Variants in TENM4 observed in about 807,000 individuals in gnomAD.
TENM4 encodes teneurin transmembrane protein 4.
Under a neutral mutation model 243.3 loss-of-function variants are expected in TENM4, and 82 were observed. That is an observed-to-expected ratio of 0.34 (90% CI 0.28 to 0.40). TENM4 has a LOEUF of 0.40. Among genes scored for constraint, TENM4 ranks in the 10% least tolerant of loss-of-function variants. TENM4 has a pLI of 1.00. For missense variants in TENM4, 3,138 were observed against 3,673.3 expected (o/e 0.85, Z 3.77); for synonymous variants, 1,412 against 1,456.3 (o/e 0.97, Z 0.69).
chr11:79,401,680 C>A (rs191017112), intron 1 of TENM4, among the ~76,000 whole-genome samples: 9 of 152,298 alleles, frequency 5.9e-5, no homozygotes, highest in Non-Finnish European at 1.3e-4. Flanking sequence ...TTGATAGGCT[C>A]CCCAGTTTAC....
At chr11:79,158,703 T>A (rs1251036916) in intron 3 of TENM4, among the ~76,000 whole-genome samples, 1 of 152,234 alleles carries the variant, frequency 6.6e-6, no homozygotes, top group East Asian at 1.9e-4. Context: ...ATGTGATATA[T>A]GCATGATATT....
At position 78,702,166 on chromosome 11, in the gene TENM4, T is replaced by C. The variant is rs370081442; in HGVS notation, c.4447A>G (p.Ile1483Val). 4.7e-5 allele frequency: 76 copies of C among 1,613,870 alleles called. No homozygotes were observed. The highest frequency in any genetic ancestry group is 6.4e-5 in the Non-Finnish European group (76 of 1,179,906). The change falls in exon 28 of 34, where the codon ATT becomes GTT. Residue 1483 changes from isoleucine to valine, a missense_variant. Transcript: ENST00000278550. ...ATCTTTTTCTCATCAGTCTCAGCAA[T>C]ATACAGGACCCCATTGTGTGAAACA... is the stretch of plus-strand genomic sequence containing the variant. Reference protein sequence around the residue: ...LAVSHNGVLYIAETDEKKINR... With the variant: ...LAVSHNGVLYVAETDEKKINR...
chr11:79,097,635 G>A (rs900896601), intron 4 of TENM4: 5 of 152,030 alleles, frequency 3.3e-5, no homozygotes, highest in Non-Finnish European at 7.4e-5. Flanking sequence ...CCAAAAATAA[G>A]TAGAAAAAGT....
chr11:78,920,462 C>T (rs1444567932), intron 6 of TENM4, among the ~76,000 whole-genome samples: 1 of 152,186 alleles, frequency 6.6e-6, no homozygotes, highest in Non-Finnish European at 1.5e-5. Context: ...AGCAGCTGCA[C>T]CGCTGAGCCC....
In TENM4 at chr11:79,403,367, G is replaced by A. The variant is rs1483007142; in HGVS notation, c.-321+37142C>T. ...ATACAGCACTTTACATTTTACAAAT[G>A]CTTTCAGGTACATTTTTATCTCACT... On this transcript the variant is annotated intron_variant, in intron 1 of 33. Transcript: ENST00000278550. Among the ~76,000 whole-genome samples the A allele has an allele frequency of 6.6e-5, 10 of 152,222 alleles. No individual in the cohort carries two copies. In the South Asian group the frequency reaches 2.1e-3, roughly 32 times the overall value.
intron 6 of TENM4, among the ~76,000 whole-genome samples, chr11:78,980,583 T>A (rs1036867376): frequency 6.6e-6 from 1 of 152,246 alleles, no homozygotes; most frequent in African/African-American, 2.4e-5. Context: ...GTGCCATTAA[T>A]ATCAACAATA....
intron 1 of TENM4, among the ~76,000 whole-genome samples, chr11:79,439,478 AG>A (rs1041311145): frequency 1.3e-5 from 2 of 152,080 alleles, no homozygotes; most frequent in African/African-American, 4.8e-5. Flanking sequence ...CAATTTCCAA[AG>A]TTAAGGACCA....
At chr11:79,000,521 A>G (rs1156859592) in intron 6 of TENM4, among the ~76,000 whole-genome samples, 2 of 152,194 alleles carry the variant, frequency 1.3e-5, no homozygotes, top group Non-Finnish European at 2.9e-5. Context: ...CTTGGAGCAT[A>G]GTTTTCAGGT....
intron 7 of TENM4, 126 bp downstream of exon 7, chr11:78,903,142 C>G: frequency 7.5e-7 from 1 of 1,324,972 alleles, no homozygotes; most frequent in East Asian, 3.0e-5. Context: ...CTAAACCGTG[C>G]ACCCAACCCC....
chr11:79,261,951 G>A (rs1253979180), intron 2 of TENM4, among the ~76,000 whole-genome samples: 1 of 152,220 alleles, frequency 6.6e-6, no homozygotes, highest in Non-Finnish European at 1.5e-5. Flanking sequence ...AAAGGGGCCT[G>A]CGGAGGAACA....
At chr11:79,272,914 C>T (rs148928536) in intron 2 of TENM4, among the ~76,000 whole-genome samples, 53 of 152,232 alleles carry the variant, frequency 3.5e-4, no homozygotes, top group African/African-American at 1.2e-3. Context: ...TTGTACATAG[C>T]GGACACCCAG....
intron 12 of TENM4, among the ~76,000 whole-genome samples, chr11:78,832,774 G>A (rs955476641): frequency 2.0e-5 from 3 of 152,164 alleles, no homozygotes; most frequent in Non-Finnish European, 4.4e-5. Context: ...AAGAGCAGGT[G>A]GAGGAATTTG....
At chr11:79,002,443 C>A (rs1385715052) in intron 6 of TENM4, among the ~76,000 whole-genome samples, 1 of 152,186 alleles carries the variant, frequency 6.6e-6, no homozygotes, top group Non-Finnish European at 1.5e-5. Context: ...ACACCTCAGC[C>A]CCTCCAATGC....
At chr11:79,290,216 C>T (rs892804305) in intron 2 of TENM4, among the ~76,000 whole-genome samples, 5 of 152,142 alleles carry the variant, frequency 3.3e-5, no homozygotes, top group African/African-American at 1.2e-4. Flanking sequence ...AGCATTTATC[C>T]GTGACTCACT....
chr11:79,344,407 G>A (rs561130850), intron 1 of TENM4, among the ~76,000 whole-genome samples: 56 of 152,304 alleles, frequency 3.7e-4, no homozygotes, highest in Middle Eastern at 3.4e-3. Flanking sequence ...CGGGCAGAGA[G>A]GGAAGAGCCA....
intron 5 of TENM4, 121 bp downstream of exon 5, chr11:79,069,601 C>T: frequency 7.5e-7 from 1 of 1,329,594 alleles, no homozygotes; most frequent in South Asian, 1.5e-5. Context: ...TGATATGGCA[C>T]CCCAACTGGT....
Position 78,812,011 on chromosome 11 carries a change from G to T in TENM4, c.1978+111C>A, listed in dbSNP as rs1857512027. The T allele has an allele frequency of 3.0e-6, 4 of 1,347,518 alleles. No individual in the cohort carries two copies. In the South Asian group the frequency reaches 4.5e-5, roughly 15 times the overall value. The allele number at this position is 1,347,518 out of a possible 1,614,324, so 83.5% of individuals were successfully genotyped here. On this transcript the variant is annotated intron_variant, in intron 14 of 33. Transcript: ENST00000278550. ...GTGGGCTCCTGGCTTGGGGAGGTGG[G>T]GTCACAAAATGGCTCAGGAGGCTTC...
At chr11:78,993,683 C>G (rs911320729) in intron 6 of TENM4, among the ~76,000 whole-genome samples, 3 of 139,024 alleles carry the variant, frequency 2.2e-5, no homozygotes, top group Middle Eastern at 3.8e-3. Flanking sequence ...ATTTCAGATA[C>G]TACATTTTTC....
chr11:78,660,792 A>G (rs927420560), intron 33 of TENM4, among the ~76,000 whole-genome samples: 1 of 152,178 alleles, frequency 6.6e-6, no homozygotes, highest in African/African-American at 2.4e-5. Flanking sequence ...GAGCAAATGA[A>G]TGCATGAAGT....
Sources: allele counts gnomAD v4.1 joint callset (sites outside exome capture counted in the v4.1 genomes callset), GRCh38; gene constraint gnomAD v4.1.1; transcripts MANE v1.5; gene names NCBI Gene and HGNC (gene_info 2026-07-23, HGNC 2026-07-21).